The following RABGAP1L variants were observed in gnomAD, a reference collection of about 807,000 sequenced individuals.
RABGAP1L encodes rab GTPase-activating protein 1-like.
Under a neutral mutation model 137.7 loss-of-function variants are expected in RABGAP1L, and 63 were observed. The ratio of observed to expected loss-of-function variants is 0.46; its 90% CI spans 0.37 to 0.56. RABGAP1L has a LOEUF of 0.56. Among genes scored for constraint, RABGAP1L ranks in the 20% least tolerant of loss-of-function variants. RABGAP1L has a pLI of 0.00. For missense variants in RABGAP1L, 1,095 were observed against 1,244.0 expected, an observed-to-expected ratio of 0.88 and a Z score of 1.80; for synonymous variants, 431 against 433.7, an observed-to-expected ratio of 0.99 and a Z score of 0.08.
At chr1:174,208,733 A>G (rs1306251368) in intron 1 of RABGAP1L, among the ~76,000 whole-genome samples, 1 of 152,032 alleles carries the variant, frequency 6.6e-6, no homozygotes, top group Admixed American at 6.6e-5. Context: ...TTTTCTTGTT[A>G]TCTGGTTTTG....
chr1:174,608,905 G>A (rs1259124230), intron 13 of RABGAP1L, among the ~76,000 whole-genome samples: 1 of 152,044 alleles, frequency 6.6e-6, no homozygotes, highest in Non-Finnish European at 1.5e-5. Flanking sequence ...GGTTTAGCTG[G>A]CCCAAACAAT....
chr1:174,163,101 C>T (rs935275546), intron 1 of RABGAP1L, among the ~76,000 whole-genome samples: 3 of 151,928 alleles, frequency 2.0e-5, no homozygotes, highest in South Asian at 4.1e-4. Flanking sequence ...ACAGTGGAGG[C>T]GGAGAAAGTA....
intron 11 of RABGAP1L, among the ~76,000 whole-genome samples, chr1:174,369,560 G>T (rs750206404): frequency 2.0e-5 from 3 of 152,156 alleles, no homozygotes; most frequent in Non-Finnish European, 4.4e-5. Flanking sequence ...TGTTATAAAA[G>T]ATAGTTGTTT....
intron 21 of RABGAP1L, among the ~76,000 whole-genome samples, chr1:174,972,470 G>A (rs1021781936): frequency 1.3e-5 from 2 of 152,176 alleles, no homozygotes; most frequent in Non-Finnish European, 2.9e-5. Context: ...GCCTTAGATT[G>A]CAATTAGAAC....
chr1:174,857,872 C>T (rs1456768360), intron 19 of RABGAP1L, among the ~76,000 whole-genome samples: 3 of 152,110 alleles, frequency 2.0e-5, no homozygotes, highest in African/African-American at 7.2e-5. Context: ...GACTCATTTA[C>T]TGACAATTTT....
intron 13 of RABGAP1L, among the ~76,000 whole-genome samples, chr1:174,402,058 A>G (rs996843604): frequency 5.9e-5 from 9 of 152,150 alleles, no homozygotes; most frequent in African/African-American, 1.9e-4. Flanking sequence ...ACTCAATGCT[A>G]GGACTGCCCC....
At chr1:174,879,316 G>T (rs1007746061) in intron 19 of RABGAP1L, among the ~76,000 whole-genome samples, 2 of 151,980 alleles carry the variant, frequency 1.3e-5, no homozygotes, top group Non-Finnish European at 2.9e-5. Flanking sequence ...GCCAGGGTGG[G>T]CTCAAGCTCT....
intron 2 of RABGAP1L, among the ~76,000 whole-genome samples, chr1:174,219,790 T>A (rs987121284): frequency 6.6e-6 from 1 of 152,172 alleles, no homozygotes; most frequent in Admixed American, 6.5e-5. Flanking sequence ...ATGGTCCCTT[T>A]TTCACTTCTG....
Position 174,331,555 on chromosome 1 carries a change from G to A in RABGAP1L, c.1465+26428G>A, listed in dbSNP as rs180724298. Among the ~76,000 whole-genome samples the A allele has an allele frequency of 4.9e-3, 742 of 152,174 alleles. 2 individuals carry two copies. Among genetic ancestry groups the A allele is most frequent in the Non-Finnish European group, 7.7e-3 (523 of 67,996 alleles). On this transcript the variant is annotated intron_variant, in intron 11 of 25. Coordinates refer to ENST00000681986, the MANE Select transcript of RABGAP1L (RefSeq NM_001366446.1). ...ATAAAACGCTCAACATCACTATCAG[G>A]GAAATGCAAATCAAAACCATAATGA...
intron 13 of RABGAP1L, among the ~76,000 whole-genome samples, chr1:174,512,630 C>T (rs1449314239): frequency 6.6e-6 from 1 of 152,154 alleles, no homozygotes; most frequent in Non-Finnish European, 1.5e-5. Context: ...TGTAAGCCTT[C>T]ACTCTTTCTC....
intron 11 of RABGAP1L, among the ~76,000 whole-genome samples, chr1:174,326,234 A>G (rs1029828836): frequency 1.3e-5 from 2 of 152,238 alleles, no homozygotes; most frequent in Non-Finnish European, 2.9e-5. Context: ...CTGATCCTAA[A>G]CCATGTAGAT....
rs149370936 is a variant in RABGAP1L at position 174,795,574 on chromosome 1, T to G, written c.2212-16258T>G. Among the ~76,000 whole-genome samples the G allele has an allele frequency of 2.0e-5, 3 of 152,300 alleles. No homozygotes were observed. In the East Asian group the frequency reaches 5.8e-4, roughly 29 times the overall value. On this transcript the variant is annotated intron_variant, in intron 18 of 25. Coordinates refer to ENST00000681986, the MANE Select transcript of RABGAP1L (RefSeq NM_001366446.1). ...CTAATAAACCCCAAGTCCCAAGTTT[T>G]TGTTTTTCTGAGACAGGGTCTCACT...
intron 19 of RABGAP1L, among the ~76,000 whole-genome samples, chr1:174,885,316 C>T (rs1470794569): frequency 6.6e-6 from 1 of 152,094 alleles, no homozygotes; most frequent in Non-Finnish European, 1.5e-5. Context: ...AATTAATTGT[C>T]AATATATGTA....
At chr1:174,681,120 T>A (rs548175406) in intron 14 of RABGAP1L, among the ~76,000 whole-genome samples, 12 of 152,112 alleles carry the variant, frequency 7.9e-5, no homozygotes, top group Non-Finnish European at 1.5e-4. Context: ...CTGCTAGGGG[T>A]GTAATAATTG....
chr1:174,308,216 G>A (rs57651489), intron 11 of RABGAP1L, among the ~76,000 whole-genome samples: 16,120 of 151,788 alleles, frequency 0.11, 959 homozygotes, highest in East Asian at 0.22. Flanking sequence ...ACATATGTAT[G>A]TGTATATGTA....
At chr1:174,199,846 T>A (rs915046507) in intron 1 of RABGAP1L, among the ~76,000 whole-genome samples, 1 of 152,162 alleles carries the variant, frequency 6.6e-6, no homozygotes, top group African/African-American at 2.4e-5. Context: ...TGAGGGTGAT[T>A]GAGGGAAAAC....
At chr1:174,538,875 T>C (rs771741486) in intron 13 of RABGAP1L, among the ~76,000 whole-genome samples, 5 of 152,160 alleles carry the variant, frequency 3.3e-5, no homozygotes, top group Admixed American at 1.3e-4. Context: ...CATTTTGTAG[T>C]GTGATAGTAG....
intron 11 of RABGAP1L, among the ~76,000 whole-genome samples, chr1:174,368,633 A>G (rs1684846196): frequency 6.6e-6 from 1 of 151,990 alleles, no homozygotes; most frequent in African/African-American, 2.4e-5. Context: ...TCAGTTTTCT[A>G]TTGGATTTTT....
chr1:174,552,169 A>AATG (rs761577192), intron 13 of RABGAP1L, among the ~76,000 whole-genome samples: 2 of 152,154 alleles, frequency 1.3e-5, no homozygotes, highest in Non-Finnish European at 2.9e-5. Context: ...TTATGTGATA[A>AATG]ATGATTTTTT....
Sources: allele counts gnomAD v4.1 joint callset (sites outside exome capture counted in the v4.1 genomes callset), GRCh38; gene constraint gnomAD v4.1.1; transcripts MANE v1.5; gene names NCBI Gene and HGNC (gene_info 2026-07-23, HGNC 2026-07-21).